CLCC1: variants seen among roughly 807,000 people sequenced by gnomAD.
CLCC1 encodes the protein chloride channel CLIC-like protein 1.
CLCC1 carries 39 observed loss-of-function variants against 63.3 expected under a neutral mutation model. The ratio of observed to expected loss-of-function variants is 0.62; its 90% CI spans 0.48 to 0.81. The LOEUF is 0.81. Ranked by LOEUF, CLCC1 falls within the 30% of genes least tolerant of loss-of-function variation. The pLI, the probability that CLCC1 is intolerant of heterozygous loss-of-function variation, is 0.00. For missense variants in CLCC1, 549 were observed against 669.4 expected, an observed-to-expected ratio of 0.82 and a Z score of 1.98; for synonymous variants, 217 against 239.8, an observed-to-expected ratio of 0.90 and a Z score of 0.88.
At chr1:108,938,594 C>T (rs551049535) in intron 10 of CLCC1, among the ~76,000 whole-genome samples, 24 of 152,232 alleles carry the variant, frequency 1.6e-4, no homozygotes, top group African/African-American at 5.8e-4. Flanking sequence ...GCTAAAAAAT[C>T]GATAACAAAA....
chr1:108,935,049 CT>C, intron 11 of CLCC1, 107 bp from the exon 12 acceptor site: 2 of 1,103,082 alleles, frequency 1.8e-6, no homozygotes, highest in East Asian at 5.1e-5. Context: ...AAGCTCCAAA[CT>C]CTTTCAAATC....
Position 108,930,238 on chromosome 1 carries a change from ATAGAT to A in CLCC1, c.*2304_*2308del. 1 of 296,686 alleles carries A rather than the reference ATAGAT, an allele frequency of 3.4e-6. No individual in the cohort carries two copies. Among genetic ancestry groups the A allele is most frequent in the East Asian group, 6.3e-5 (1 of 15,784 alleles). 18.4% of individuals were successfully genotyped at this position (296,686 alleles called of 1,614,324 possible). On this transcript the variant is annotated 3_prime_UTR_variant, in exon 13 of 13. Coordinates refer to ENST00000369969, the MANE Select transcript of CLCC1 (RefSeq NM_001377458.1). ...TATAAAGTAGGAAGTTAAGTGAATC[ATAGAT>A]TAGAATTTAATACTCTTATGGAAAT... is the stretch of plus-strand genomic sequence containing the variant.
At position 108,950,366 on chromosome 1, in the gene CLCC1, A is replaced by C. The variant is rs1348241620; in HGVS notation, c.72T>G (p.Ile24Met). The change falls in exon 3 of 13, where the codon ATT becomes ATG. Residue 24 changes from isoleucine to methionine, a missense_variant. Coordinates refer to ENST00000369969, the MANE Select transcript of CLCC1 (RefSeq NM_001377458.1). ...VAGYAHDDDW[I>M]DPTDMLNYDA... ...CATAGTTAAGCATGTCTGTGGGGTC[A>C]ATCCAGTCATCATCATGAGCATAAC... 1 of 1,613,420 alleles carries C rather than the reference A, an allele frequency of 6.2e-7. No individual in the cohort carries two copies. The highest frequency in any genetic ancestry group is 2.2e-5 in the East Asian group (1 of 44,844).
At chr1:108,950,815 A>G (rs1193958833) in intron 2 of CLCC1, among the ~76,000 whole-genome samples, 1 of 152,170 alleles carries the variant, frequency 6.6e-6, no homozygotes, top group African/African-American at 2.4e-5. Context: ...GCACCCAGCC[A>G]GATTGTTTTG....
Position 108,934,786 on chromosome 1 carries a change from T to C in CLCC1, c.1540A>G (p.Lys514Glu). Residue 514 changes from lysine to glutamate, a missense_variant, in exon 12 of 13, where the codon AAG becomes GAG. Lys to Glu is a moderately conservative substitution (Grantham distance 56). Transcript: ENST00000369969. ...GCGGCTTCAGACTTGAGCTGGGCCT[T>C]TTCCGCTGCGGGTGAACCTTCTGTA... The part of the protein sequence containing the change: ...GNTEGSPAAE[K>E]AQLKSEAAGS... The C allele has an allele frequency of 6.2e-7, 1 of 1,614,168 alleles. No homozygotes were observed. The highest frequency in any genetic ancestry group is 8.5e-7 in the Non-Finnish European group (1 of 1,180,032).
At chr1:108,938,630 G>A (rs1427728584) in intron 10 of CLCC1, among the ~76,000 whole-genome samples, 2 of 152,178 alleles carry the variant, frequency 1.3e-5, no homozygotes. Context: ...ATGGAGGGAT[G>A]ACGAGTAATA....
intron 2 of CLCC1, among the ~76,000 whole-genome samples, chr1:108,956,226 T>A (rs1655874142): frequency 6.6e-6 from 1 of 151,380 alleles, no homozygotes; most frequent in South Asian, 2.1e-4. Context: ...GGGTGAGCCA[T>A]CTTGGTGGTT....
chr1:108,960,802 G>C (rs1448342466), intron 2 of CLCC1, among the ~76,000 whole-genome samples: 1 of 152,132 alleles, frequency 6.6e-6, no homozygotes, highest in East Asian at 1.9e-4. Context: ...AGGTACTACA[G>C]GAGGCATTAT....
intron 5 of CLCC1, among the ~76,000 whole-genome samples, chr1:108,944,880 T>C (rs914803716): frequency 5.3e-5 from 8 of 152,132 alleles, no homozygotes; most frequent in Admixed American, 1.3e-4. Flanking sequence ...CCGCCCGCCA[T>C]GGCCTCCCAA....
At chr1:108,956,327 A>C (rs1655886094) in intron 2 of CLCC1, among the ~76,000 whole-genome samples, 1 of 151,192 alleles carries the variant, frequency 6.6e-6, no homozygotes, top group South Asian at 2.1e-4. Flanking sequence ...ACACCCCATA[A>C]AACCACAACA....
intron 10 of CLCC1, among the ~76,000 whole-genome samples, chr1:108,939,253 CAGATATATAA>C (rs1653469356): frequency 7.1e-6 from 1 of 140,102 alleles, no homozygotes; most frequent in African/African-American, 2.7e-5. Flanking sequence ...TAAATATAGA[CAGATATATAA>C]ATATAAATAT....
chr1:108,948,800 A>G lies in CLCC1; in HGVS notation c.231+1020T>C, dbSNP rs146121725. ...GCCAAACTTTTGTATAGCTCACTAT[A>G]CAATAATAATACACAAAGTGAAGCA... On this transcript the variant is annotated intron_variant, in intron 4 of 12. Transcript: ENST00000369969. Among the ~76,000 whole-genome samples the G allele has an allele frequency of 5.1e-3, 770 of 152,342 alleles. 10 individuals carry two copies. The highest frequency in any genetic ancestry group is 0.017 in the African/African-American group (722 of 41,588).
At chr1:108,939,157 T>C (rs914288318) in intron 10 of CLCC1, among the ~76,000 whole-genome samples, 1 of 146,714 alleles carries the variant, frequency 6.8e-6, no homozygotes, top group African/African-American at 2.5e-5. Context: ...AGATTTAATA[T>C]AAATCTTGCT....
chr1:108,947,751 G>T, intron 4 of CLCC1, 33 bp from the exon 5 acceptor site: 1 of 1,398,756 alleles, frequency 7.1e-7, no homozygotes, highest in Non-Finnish European at 1.0e-6. Context: ...ACATTAGTTA[G>T]AGTCAAAGTA....
At chr1:108,940,182 A>G (rs759326183) in intron 8 of CLCC1, 40 bp from the exon 9 acceptor site, 4 of 1,368,912 alleles carry the variant, frequency 2.9e-6, no homozygotes, top group Non-Finnish European at 4.1e-6. Context: ...CATTTCTTTT[A>G]ATGTTGCATT....
chr1:108,957,366 T>A (rs1656052923), intron 2 of CLCC1, among the ~76,000 whole-genome samples: 1 of 151,364 alleles, frequency 6.6e-6, no homozygotes, highest in Admixed American at 6.6e-5. Flanking sequence ...ACCTCCCAGC[T>A]GCCCTCTCCC....
intron 11 of CLCC1, among the ~76,000 whole-genome samples, chr1:108,936,116 G>A (rs976696774): frequency 7.5e-5 from 9 of 119,930 alleles, no homozygotes; most frequent in East Asian, 2.5e-4. Context: ...TTTTTGAGAC[G>A]ACGTCTCACT....
In CLCC1 at chr1:108,931,536, A is replaced by G. The variant is rs949232362; in HGVS notation, c.*1011T>C. 6.2e-5 allele frequency: 94 copies of G among 1,512,820 alleles called. No individual in the cohort carries two copies. The highest frequency in any genetic ancestry group is 8.1e-5 in the Non-Finnish European group (91 of 1,125,628). 93.7% of individuals were successfully genotyped at this position (1,512,820 alleles called of 1,614,324 possible). The stretch of plus-strand genomic sequence containing the variant: ...CCCCTATTCTTTCAAAAAGTCATTC[A>G]GGTGATTTGGATGGGCAAATAGAAC... On this transcript the variant is annotated 3_prime_UTR_variant, in exon 13 of 13. Transcript: ENST00000369969.
intron 2 of CLCC1, among the ~76,000 whole-genome samples, chr1:108,960,205 G>T (rs1395704248): frequency 6.6e-6 from 1 of 152,120 alleles, no homozygotes; most frequent in Non-Finnish European, 1.5e-5. Context: ...TAGAAATACT[G>T]AATAACTGTA....
Sources: allele counts gnomAD v4.1 joint callset (sites outside exome capture counted in the v4.1 genomes callset), GRCh38; gene constraint gnomAD v4.1.1; transcripts MANE v1.5; gene names NCBI Gene and HGNC (gene_info 2026-07-23, HGNC 2026-07-21).